JPH1: variants seen among roughly 807,000 people sequenced by gnomAD.
JPH1 encodes the protein junctophilin-1.
A neutral mutation model predicts 53.6 loss-of-function variants in JPH1; 12 were observed. The ratio of observed to expected loss-of-function variants is 0.22; its 90% CI spans 0.14 to 0.36. The LOEUF is 0.36. Ranked by LOEUF, JPH1 falls within the 10% of genes least tolerant of loss-of-function variation. The pLI, the probability that JPH1 is intolerant of heterozygous loss-of-function variation, is 1.00. For missense variants in JPH1, 808 were observed against 905.5 expected (o/e 0.89, Z 1.38); for synonymous variants, 375 against 363.8 (o/e 1.03, Z -0.35).
intron 2 of JPH1, among the ~76,000 whole-genome samples, chr8:74,283,387 A>G (rs1324481790): frequency 6.6e-6 from 1 of 152,158 alleles, no homozygotes; most frequent in Non-Finnish European, 1.5e-5. Flanking sequence ...TATAATAAAC[A>G]TATTACTGAG....
Position 74,320,982 on chromosome 8 carries a change from G to T in JPH1, c.306C>A (p.Thr102=), listed in dbSNP as rs1385575693. 6.2e-7 allele frequency: 1 copy of T among 1,611,846 alleles called. No homozygotes were observed. Among genetic ancestry groups the T allele is most frequent in the Non-Finnish European group, 8.5e-7 (1 of 1,179,130 alleles). The change falls in exon 1 of 6, where the codon ACC becomes ACA. Residue 102 remains threonine (T), a synonymous_variant. Coordinates refer to ENST00000342232, the MANE Select transcript of JPH1 (RefSeq NM_020647.4). This position sits in a 1 kb window ranked among gnomAD's most constrained non-coding sequence, Gnocchi z 4.4. The part of the protein sequence containing the change: ...GRYGVRQSLC[T]PARYEGTWSN... ...TCCAGGTACCCTCGTAGCGAGCGGG[G>T]GTGCACAGGCTCTGCCGGACCCCGT...
chr8:74,320,758 C>A lies in JPH1; in HGVS notation c.379+151G>T. 1.1e-6 allele frequency: 1 copy of A among 934,392 alleles called. No individual in the cohort carries two copies. Among genetic ancestry groups the A allele is most frequent in the Non-Finnish European group, 1.5e-6 (1 of 672,978 alleles). 57.9% of individuals were successfully genotyped at this position (934,392 alleles called of 1,614,324 possible). A position where few individuals can be genotyped will look rare whatever the true frequency, so the allele number is the denominator to read the frequency against. On this transcript the variant is annotated intron_variant, in intron 1 of 5. Coordinates refer to ENST00000342232, the MANE Select transcript of JPH1 (RefSeq NM_020647.4). This position sits in a 1 kb window ranked among gnomAD's most constrained non-coding sequence, Gnocchi z 4.4. Reference sequence around the variant, plus strand: ...GTCCCAGCGCCCTCTCTGGGAAAGGCGGGCGCGGGCGCGGGGGTGGGAGGC... The same window carrying A: ...GTCCCAGCGCCCTCTCTGGGAAAGGAGGGCGCGGGCGCGGGGGTGGGAGGC...
chr8:74,281,912 G>A (rs12334846), intron 2 of JPH1, among the ~76,000 whole-genome samples: 51,692 of 151,782 alleles, frequency 0.34, 9,139 homozygotes, highest in South Asian at 0.49. Flanking sequence ...GGAAGATGGG[G>A]AAAGGCTACG....
At chr8:74,313,605 A>ATT (rs143823341) in intron 2 of JPH1, among the ~76,000 whole-genome samples, 1 of 150,702 alleles carries the variant, frequency 6.6e-6, no homozygotes, top group African/African-American at 2.4e-5. Context: ...TGATGTCACC[A>ATT]TTTTTTTTTG....
chr8:74,240,296 C>G (rs1805655508), intron 4 of JPH1, among the ~76,000 whole-genome samples: 1 of 151,956 alleles, frequency 6.6e-6, no homozygotes, highest in Non-Finnish European at 1.5e-5. Flanking sequence ...TTAAAAGGTA[C>G]AATTAAATTA....
At chr8:74,237,704 A>G (rs943486594) in intron 4 of JPH1, among the ~76,000 whole-genome samples, 1 of 152,224 alleles carries the variant, frequency 6.6e-6, no homozygotes, top group Non-Finnish European at 1.5e-5. Flanking sequence ...GGCAGTTAGA[A>G]CACGAGAGCA....
At chr8:74,256,524 C>G (rs1188236677) in intron 3 of JPH1, among the ~76,000 whole-genome samples, 5 of 131,900 alleles carry the variant, frequency 3.8e-5, no homozygotes, top group African/African-American at 1.8e-4. Context: ...CACATGTACC[C>G]TAAAACTTAA....
At chr8:74,240,181 A>G (rs1298758477) in intron 4 of JPH1, among the ~76,000 whole-genome samples, 1 of 152,148 alleles carries the variant, frequency 6.6e-6, no homozygotes, top group African/African-American at 2.4e-5. Context: ...CATGTTGGCC[A>G]GGCTGGTCCT....
chr8:74,244,725 C>T lies in JPH1; in HGVS notation c.1709G>A (p.Gly570Asp), dbSNP rs754517409. The change falls in exon 4 of 6, where the codon GGC becomes GAC. Residue 570 changes from glycine to aspartate, a missense_variant. Transcript: ENST00000342232. ...TGAGGAAGACTGGCTGGATCCATCG[C>T]CGTCCTCCACGTCTACTGGAGGGTG... ...PQHPPVDVED[G>D]DGSSQSSSAL... The T allele has an allele frequency of 1.2e-6, 2 of 1,614,132 alleles. No individual in the cohort carries two copies. The highest frequency in any genetic ancestry group is 1.7e-6 in the Non-Finnish European group (2 of 1,180,024).
At chr8:74,291,548 C>A (rs922167730) in intron 2 of JPH1, among the ~76,000 whole-genome samples, 1 of 152,198 alleles carries the variant, frequency 6.6e-6, no homozygotes, top group African/African-American at 2.4e-5. Context: ...ACTAGTTCAA[C>A]CATTGTGGAA....
At chr8:74,242,720 G>C (rs1252485678) in intron 4 of JPH1, among the ~76,000 whole-genome samples, 2 of 152,216 alleles carry the variant, frequency 1.3e-5, no homozygotes, top group Non-Finnish European at 2.9e-5. Flanking sequence ...CTTGAATTTT[G>C]CAGAGGCAGT....
intron 3 of JPH1, among the ~76,000 whole-genome samples, 156 bp downstream of exon 3, chr8:74,259,229 G>T (rs930079379): frequency 6.6e-6 from 1 of 152,214 alleles, no homozygotes; most frequent in Non-Finnish European, 1.5e-5. Flanking sequence ...AAGCACTTCA[G>T]ATGAAGGATC....
chr8:74,296,122 A>G (rs749079152), intron 2 of JPH1, among the ~76,000 whole-genome samples: 1 of 151,924 alleles, frequency 6.6e-6, no homozygotes, highest in Non-Finnish European at 1.5e-5. Flanking sequence ...TAAATCTCCA[A>G]GGAAGAATAT....
intron 3 of JPH1, among the ~76,000 whole-genome samples, chr8:74,255,805 T>C (rs1806204364): frequency 6.6e-6 from 1 of 152,196 alleles, no homozygotes; most frequent in Admixed American, 6.5e-5. Context: ...TCATCATCAC[T>C]GGCCATCAGA....
chr8:74,251,744 T>C (rs950820727), intron 3 of JPH1, among the ~76,000 whole-genome samples: 2 of 151,944 alleles, frequency 1.3e-5, no homozygotes, highest in Non-Finnish European at 2.9e-5. Context: ...TGTAGAATAA[T>C]ACAGTTTTTT....
At chr8:74,248,275 T>C (rs16938836) in intron 3 of JPH1, among the ~76,000 whole-genome samples, 2,139 of 152,328 alleles carry the variant, frequency 0.014, 66 homozygotes, top group African/African-American at 0.049. Context: ...ATGGTGGAAG[T>C]ACATTTTAGC....
rs1393388872 is a variant in JPH1 at position 74,235,028 on chromosome 8, A to G, written c.*2023T>C. The G allele has an allele frequency of 6.6e-6, 1 of 152,610 alleles. No homozygotes were observed. Among genetic ancestry groups the G allele is most frequent in the Admixed American group, 6.5e-5 (1 of 15,278 alleles). The allele number at this position is 152,610 out of a possible 1,614,324, so 9.5% of individuals were successfully genotyped here. On this transcript the variant is annotated 3_prime_UTR_variant, in exon 6 of 6. Coordinates refer to ENST00000342232, the MANE Select transcript of JPH1 (RefSeq NM_020647.4). ...ATACATATATTTATAAATGGGACCA[A>G]CATGCTCACTTTATAAACATATCCT...
At chr8:74,267,750 GA>G (rs1253433964) in intron 2 of JPH1, among the ~76,000 whole-genome samples, 1 of 152,144 alleles carries the variant, frequency 6.6e-6, no homozygotes, top group African/African-American at 2.4e-5. Context: ...CTGGGTCAAG[GA>G]AAAAGACGTT....
intron 2 of JPH1, among the ~76,000 whole-genome samples, chr8:74,278,308 A>AT (rs1258145614): frequency 6.6e-6 from 1 of 152,124 alleles, no homozygotes; most frequent in Non-Finnish European, 1.5e-5. Flanking sequence ...TTCCACCATG[A>AT]TTGTGAGGCT....
Sources: gnomAD v4.1 joint callset for allele counts (sites outside exome capture counted in the v4.1 genomes callset) on GRCh38, gnomAD v4.1.1 for gene constraint, Gnocchi (gnomAD v3.1) non-coding constraint, MANE v1.5 for transcripts, NCBI Gene and HGNC (gene_info 2026-07-23, HGNC 2026-07-21) for gene names.